The following HTT variants were observed in gnomAD, a reference collection of about 807,000 sequenced individuals.
HTT encodes huntingtin, also known as huntington disease protein.
A neutral mutation model predicts 362.3 loss-of-function variants in HTT; 104 were observed. The ratio of observed to expected loss-of-function variants is 0.29; its 90% CI spans 0.24 to 0.34. The LOEUF is 0.34. Ranked by LOEUF, HTT falls within the 10% of genes least tolerant of loss-of-function variation. The pLI is 1.00. For missense variants in HTT, 3,301 were observed against 3,928.6 expected (o/e 0.84, Z 4.27); for synonymous variants, 1,577 against 1,548.7 (o/e 1.02, Z -0.43).
At chr4:3,193,631 A>G (rs1719117879) in intron 40 of HTT, among the ~76,000 whole-genome samples, 1 of 152,230 alleles carries the variant, frequency 6.6e-6, no homozygotes, top group Admixed American at 6.5e-5. Context: ...GTGTTGTCCA[A>G]TAGGACTTCC....
chr4:3,204,896 T>C (rs1164356290), intron 42 of HTT, among the ~76,000 whole-genome samples: 3 of 151,998 alleles, frequency 2.0e-5, no homozygotes, highest in African/African-American at 4.8e-5. Context: ...GAAGGGAGGA[T>C]TGCTTGAGCC....
At chr4:3,155,748 AAAAG>A (rs1398312490) in intron 27 of HTT, among the ~76,000 whole-genome samples, 21 of 149,014 alleles carry the variant, frequency 1.4e-4, no homozygotes, top group Non-Finnish European at 2.2e-4. Context: ...AAAAAAAAAA[AAAAG>A]CCGGGCATGG....
chr4:3,213,729 G>A (rs1720268004), intron 49 of HTT, among the ~76,000 whole-genome samples: 3 of 152,236 alleles, frequency 2.0e-5, no homozygotes, highest in African/African-American at 4.8e-5. Context: ...GGAGAGAGAG[G>A]CAGCAGAGTA....
At chr4:3,150,816 C>G (rs1246047848) in intron 26 of HTT, among the ~76,000 whole-genome samples, 2 of 152,198 alleles carry the variant, frequency 1.3e-5, no homozygotes, top group Admixed American at 6.5e-5. Context: ...ACCAGTGCAT[C>G]ACAAGGTCAG....
intron 1 of HTT, among the ~76,000 whole-genome samples, chr4:3,080,097 CTT>C (rs1159368441): frequency 1.2e-4 from 18 of 144,508 alleles, no homozygotes; most frequent in Non-Finnish European, 9.2e-5. Context: ...CAGGCTCTTT[CTT>C]TTTTTTTTTT....
rs200038094 is a variant in HTT, at chr4:3,142,721, T to C, written c.2946-45T>C. The C allele has an allele frequency of 1.1e-3, 1,101 of 996,184 alleles. 7 individuals carry two copies. Among genetic ancestry groups the C allele is most frequent in the South Asian group, 3.3e-3 (178 of 53,778 alleles). 61.7% of individuals were successfully genotyped at this position (996,184 alleles called of 1,614,324 possible). Reference sequence around the variant, plus strand: ...AAATGCCATTTGATCTTTAAAAATATATGTTTTAATAGTGTATTTTAAGTC... The same window carrying C: ...AAATGCCATTTGATCTTTAAAAATACATGTTTTAATAGTGTATTTTAAGTC... On this transcript the variant is annotated intron_variant, in intron 22 of 66. Transcript: ENST00000355072.
At chr4:3,137,010 C>T (rs1258093709) in intron 21 of HTT, among the ~76,000 whole-genome samples, 3 of 151,520 alleles carry the variant, frequency 2.0e-5, no homozygotes, top group Middle Eastern at 3.2e-3. Context: ...CTGGTTCAAG[C>T]GATTCTCCTG....
Position 3,238,829 on chromosome 4 carries a change from T to G in HTT, c.9066T>G (p.Thr3022=), listed in dbSNP as rs1721669932. The change falls in exon 66 of 67, where the codon ACT becomes ACG. Residue 3022 remains threonine, a synonymous_variant. Transcript: ENST00000355072. ...CTTGCTCCTTGCAGGTGTTTCAGAC[T>G]CTGCACAGCACCGGGCAGTCGTCCA... The part of the protein sequence containing the change: ...MATVVYKVFQ[T]LHSTGQSSMV... 10 of 1,578,388 alleles carry G rather than the reference T, an allele frequency of 6.3e-6. No individual in the cohort carries two copies. Among genetic ancestry groups the G allele is most frequent in the Non-Finnish European group, 8.6e-6 (10 of 1,159,496 alleles).
intron 56 of HTT, among the ~76,000 whole-genome samples, chr4:3,224,674 G>A (rs1390154943): frequency 1.3e-5 from 2 of 152,206 alleles, no homozygotes; most frequent in African/African-American, 4.8e-5. Flanking sequence ...TGGGGATTTG[G>A]GATGCACGTT....
In HTT at chr4:3,236,132, G is replaced by A. The variant is rs770479900; in HGVS notation, c.8786-17G>A. 1 of 1,591,598 alleles carries A rather than the reference G, an allele frequency of 6.3e-7. No homozygotes were observed. The highest frequency in any genetic ancestry group is 8.6e-7 in the Non-Finnish European group (1 of 1,159,430). ...GTTGTATAGAGGTAACCTTCGTACT[G>A]AACACTTTTGTTACAGGAAAGGAGA... On this transcript the variant is annotated splice_polypyrimidine_tract_variant and intron_variant, in intron 63 of 66. Coordinates refer to ENST00000355072, the MANE Select transcript of HTT (RefSeq NM_001388492.1).
At chr4:3,232,697 A>T (rs1721315343) in intron 60 of HTT, among the ~76,000 whole-genome samples, 2 of 152,244 alleles carry the variant, frequency 1.3e-5, no homozygotes. Context: ...TCCCGAGGAC[A>T]CCAGGCTTGA....
chr4:3,093,740 C>G (rs528965807), intron 2 of HTT, among the ~76,000 whole-genome samples: 14 of 151,920 alleles, frequency 9.2e-5, no homozygotes, highest in South Asian at 8.3e-4. Context: ...AGGTGCTGGC[C>G]TTGAAAATTG....
chr4:3,187,588 A>C (rs537236435), intron 38 of HTT, 63 bp from the exon 39 acceptor site: 2 of 1,204,258 alleles, frequency 1.7e-6, no homozygotes, highest in Non-Finnish European at 2.4e-6. Flanking sequence ...AAAATTGGCA[A>C]TTGGGGGAAA....
chr4:3,156,055 A>C (rs1717129344), intron 27 of HTT, among the ~76,000 whole-genome samples: 1 of 152,216 alleles, frequency 6.6e-6, no homozygotes, highest in African/African-American at 2.4e-5. Flanking sequence ...TGCAGTCACC[A>C]TGCTATACAG....
intron 27 of HTT, among the ~76,000 whole-genome samples, chr4:3,156,211 C>T (rs1252651103): frequency 6.6e-6 from 1 of 152,094 alleles, no homozygotes; most frequent in East Asian, 1.9e-4. Flanking sequence ...CCTCCGCCTC[C>T]CAGGTTCAAG....
intron 23 of HTT, 35 bp downstream of exon 23, chr4:3,142,921 G>A (rs778995684): frequency 6.3e-7 from 1 of 1,596,252 alleles, no homozygotes; most frequent in African/African-American, 1.3e-5. Context: ...TACTGACATT[G>A]TAATAGTTTT....
At chr4:3,093,336 T>C (rs982250946) in intron 2 of HTT, among the ~76,000 whole-genome samples, 6 of 152,202 alleles carry the variant, frequency 3.9e-5, no homozygotes, top group African/African-American at 1.4e-4. Context: ...AGACTAAGTT[T>C]CGTTACTCTG....
intron 28 of HTT, among the ~76,000 whole-genome samples, chr4:3,157,707 A>G (rs1188996477): frequency 6.6e-6 from 1 of 152,184 alleles, no homozygotes; most frequent in Non-Finnish European, 1.5e-5. Context: ...ACTGTTCACC[A>G]GATACCCCCA....
rs751823591 is a variant in HTT, at chr4:3,157,091, C to G, written c.3645C>G (p.Thr1215=). 12 of 1,611,268 alleles carry G rather than the reference C, an allele frequency of 7.4e-6. No homozygotes were observed. In the East Asian group the frequency reaches 2.5e-4, roughly 33 times the overall value. ...TTAAAGCTTCTAGACAATCTGATAC[C>G]TCAGGTCCTGTTACAACAAGTAAAT... is the stretch of plus-strand genomic sequence containing the variant. ...EASAASRQSD[T]SGPVTTSKSS... Residue 1215 remains threonine (T), a synonymous_variant, in exon 28 of 67, where the codon ACC becomes ACG. Coordinates refer to ENST00000355072, the MANE Select transcript of HTT (RefSeq NM_001388492.1).
Sources: allele counts gnomAD v4.1 joint callset (sites outside exome capture counted in the v4.1 genomes callset), GRCh38; gene constraint gnomAD v4.1.1; transcripts MANE v1.5; gene names NCBI Gene and HGNC (gene_info 2026-07-23, HGNC 2026-07-21).